SCMH1: variants seen among roughly 807,000 people sequenced by gnomAD.
The protein encoded by SCMH1 is Scm polycomb group protein homolog 1, also known as polycomb protein SCMH1.
Under a neutral mutation model 70.8 loss-of-function variants are expected in SCMH1, and 37 were observed. The ratio of observed to expected loss-of-function variants is 0.52; its 90% confidence interval spans 0.40 to 0.69. The LOEUF (loss-of-function observed/expected upper bound fraction) is 0.69. SCMH1 is among the 30% of genes least tolerant of loss of function. The pLI, the probability that SCMH1 is intolerant of heterozygous loss-of-function variation, is 0.00. For missense variants in SCMH1, 607 were observed against 827.3 expected (o/e 0.73, Z 3.27); for synonymous variants, 292 against 307.4 (o/e 0.95, Z 0.52).
At chr1:41,079,347 CA>C (rs11361766) in intron 8 of SCMH1, among the ~76,000 whole-genome samples, 52,235 of 151,074 alleles carry the variant, frequency 0.35, 10,179 homozygotes, top group African/African-American at 0.54. Flanking sequence ...CAAACCAGAC[CA>C]AAAAAAACCC....
At chr1:41,142,036 T>A (rs1644132518) in intron 6 of SCMH1, among the ~76,000 whole-genome samples, 1 of 152,216 alleles carries the variant, frequency 6.6e-6, no homozygotes, top group Non-Finnish European at 1.5e-5. Flanking sequence ...CAAGTATAGA[T>A]AAAATTATAT....
At chr1:41,081,816 T>C (rs1040320801) in intron 8 of SCMH1, among the ~76,000 whole-genome samples, 4 of 46,182 alleles carry the variant, frequency 8.7e-5, no homozygotes, top group African/African-American at 4.1e-4. Flanking sequence ...TAAGACTCTG[T>C]CTTAAAAAAA....
At chr1:41,157,705 G>A (rs28662291) in intron 4 of SCMH1, among the ~76,000 whole-genome samples, 1 of 152,262 alleles carries the variant, frequency 6.6e-6, no homozygotes, top group South Asian at 2.1e-4. Flanking sequence ...GGCTTTCTTG[G>A]TCCCATATCT....
intron 5 of SCMH1, among the ~76,000 whole-genome samples, chr1:41,150,824 C>T (rs1645006230): frequency 6.7e-6 from 1 of 150,032 alleles, no homozygotes; most frequent in South Asian, 2.1e-4. Context: ...GTAGTCCCAG[C>T]TACTCGGGAG....
chr1:41,137,887 C>T (rs1643614504), intron 6 of SCMH1, among the ~76,000 whole-genome samples: 2 of 152,188 alleles, frequency 1.3e-5, no homozygotes, highest in Non-Finnish European at 1.5e-5. Context: ...ACTGATCCCT[C>T]ATTACTCCAA....
At chr1:41,142,723 T>C (rs559353232) in intron 6 of SCMH1, among the ~76,000 whole-genome samples, 155 bp downstream of exon 6, 4 of 152,332 alleles carry the variant, frequency 2.6e-5, no homozygotes, top group South Asian at 4.1e-4. Flanking sequence ...GTCCAAATTG[T>C]GCAGCTTGTT....
chr1:41,044,139 A>G (rs1363652552), intron 12 of SCMH1, among the ~76,000 whole-genome samples: 1 of 152,182 alleles, frequency 6.6e-6, no homozygotes, highest in African/African-American at 2.4e-5. Context: ...ACTACCTGCT[A>G]TATCGGAAGT....
chr1:41,201,492 C>T (rs1410587794), intron 1 of SCMH1, among the ~76,000 whole-genome samples: 2 of 152,162 alleles, frequency 1.3e-5, no homozygotes, highest in Non-Finnish European at 2.9e-5. Context: ...TCATCATTCA[C>T]CTCTACAAGT....
intron 1 of SCMH1, among the ~76,000 whole-genome samples, chr1:41,195,264 T>C (rs1222181619): frequency 1.3e-5 from 2 of 151,780 alleles, no homozygotes; most frequent in African/African-American, 2.4e-5. Flanking sequence ...TGGGCATGGC[T>C]GTGTTCCAAT....
intron 4 of SCMH1, chr1:41,152,586 C>T: frequency 2.5e-6 from 4 of 1,613,860 alleles, no homozygotes; most frequent in Non-Finnish European, 3.4e-6. Context: ...ACCAGTCTCC[C>T]CCTAATACCC....
intron 6 of SCMH1, among the ~76,000 whole-genome samples, chr1:41,119,471 T>C (rs1420778602): frequency 6.6e-6 from 1 of 151,258 alleles, no homozygotes; most frequent in African/African-American, 2.4e-5. Flanking sequence ...AACCCCACCG[T>C]AACTCCACAT....
chr1:41,110,667 C>T (rs959490903), intron 8 of SCMH1, among the ~76,000 whole-genome samples: 3 of 152,082 alleles, frequency 2.0e-5, no homozygotes, highest in African/African-American at 4.8e-5. Flanking sequence ...CTAGCTATAC[C>T]ACATTTTATT....
In SCMH1 at chr1:41,160,908, A is replaced by C; in HGVS notation, c.83-10T>G. On this transcript the variant is annotated splice_polypyrimidine_tract_variant and intron_variant, in intron 3 of 14. Transcript: ENST00000337495. ...AGGATGTCAGCAGCTTCTAGTAAAG[A>C]AAAAAATGTTGGAGCATAAGTCATT... is the stretch of plus-strand genomic sequence containing the variant. The C allele has an allele frequency of 2.6e-6, 4 of 1,549,062 alleles. No individual in the cohort carries two copies. Among genetic ancestry groups the C allele is most frequent in the Non-Finnish European group, 3.5e-6 (4 of 1,145,690 alleles).
At chr1:41,136,900 C>A (rs1367462406) in intron 6 of SCMH1, among the ~76,000 whole-genome samples, 1 of 151,528 alleles carries the variant, frequency 6.6e-6, no homozygotes, top group East Asian at 1.9e-4. Flanking sequence ...GCTTCAGCCT[C>A]CTAAAAGCCA....
chr1:41,150,103 T>C (rs1375251712), intron 5 of SCMH1, among the ~76,000 whole-genome samples: 1 of 152,180 alleles, frequency 6.6e-6, no homozygotes, highest in Admixed American at 6.5e-5. Flanking sequence ...GGCCATGGTC[T>C]GGAAACTGTT....
intron 1 of SCMH1, among the ~76,000 whole-genome samples, chr1:41,201,424 T>C (rs1654332620): frequency 6.6e-6 from 1 of 152,222 alleles, no homozygotes; most frequent in South Asian, 2.1e-4. Context: ...AAGTGTTCTC[T>C]TAGTGCCTTC....
intron 8 of SCMH1, among the ~76,000 whole-genome samples, chr1:41,106,522 ATTTC>A (rs1440624668): frequency 6.6e-6 from 1 of 151,780 alleles, no homozygotes; most frequent in African/African-American, 2.4e-5. Flanking sequence ...AGTCTTAGGT[ATTTC>A]TTTATGGCAA....
At chr1:41,127,490 A>G (rs1238243648) in intron 6 of SCMH1, among the ~76,000 whole-genome samples, 14 of 152,178 alleles carry the variant, frequency 9.2e-5, no homozygotes, top group Admixed American at 9.2e-4. Flanking sequence ...ATCCACGTGC[A>G]GTTTATTCTG....
chr1:41,051,336 A>C (rs1239313133), intron 10 of SCMH1, among the ~76,000 whole-genome samples: 4 of 152,276 alleles, frequency 2.6e-5, no homozygotes. Flanking sequence ...ACTTGGTAAC[A>C]TAATAAATGA....
Sources: gnomAD v4.1 joint callset for allele counts (sites outside exome capture counted in the v4.1 genomes callset) on GRCh38, gnomAD v4.1.1 for gene constraint, MANE v1.5 for transcripts, NCBI Gene and HGNC (gene_info 2026-07-23, HGNC 2026-07-21) for gene names.